Variants in MSRA observed in about 807,000 individuals in gnomAD.
The protein encoded by MSRA is mitochondrial peptide methionine sulfoxide reductase.
MSRA carries 54 observed loss-of-function variants against 31.3 expected under a neutral mutation model. That is an observed-to-expected ratio of 1.73 (90% CI 1.39 to 2.17). The LOEUF (loss-of-function observed/expected upper bound fraction) is 2.17, where lower values mean the gene tolerates loss of function less well. Ranked by LOEUF, MSRA falls within the 30% of genes most tolerant of loss-of-function variation. The pLI, the probability that MSRA is intolerant of heterozygous loss-of-function variation, is 0.00. For synonymous variants in MSRA, 169 were observed against 116.5 expected (o/e 1.45, Z -2.90); for missense variants, 507 against 300.9 (o/e 1.69, Z -5.07).
chr8:10,366,299 T>C (rs1805161009), intron 5 of MSRA, among the ~76,000 whole-genome samples: 2 of 152,218 alleles, frequency 1.3e-5, no homozygotes, highest in Admixed American at 1.3e-4. Context: ...TCTGAATTTA[T>C]ACCAAAGACA....
chr8:10,141,462 C>A (rs1485935832), intron 1 of MSRA, among the ~76,000 whole-genome samples: 1 of 152,208 alleles, frequency 6.6e-6, no homozygotes, highest in African/African-American at 2.4e-5. Context: ...CACACAGGCC[C>A]AGCCATCTCC....
intron 2 of MSRA, among the ~76,000 whole-genome samples, chr8:10,242,116 A>G (rs896282457): frequency 1.3e-5 from 2 of 152,120 alleles, no homozygotes; most frequent in African/African-American, 2.4e-5. Flanking sequence ...TACTAAAAAC[A>G]CAGAATTAGC....
chr8:10,398,729 G>A (rs960628083), intron 5 of MSRA, among the ~76,000 whole-genome samples: 5 of 152,246 alleles, frequency 3.3e-5, no homozygotes, highest in African/African-American at 1.2e-4. Flanking sequence ...CTGGAACTGG[G>A]AGGTTGGGGA....
Position 10,170,646 on chromosome 8 carries a change from A to T in MSRA, c.143-37187A>T, listed in dbSNP as rs143589159. On this transcript the variant is annotated intron_variant, in intron 1 of 5. Transcript: ENST00000317173. Reference sequence around the variant, plus strand: ...ATTAGGTATTGTAAGTCATCTAGAGATGATTTAAAGTATATGGGAGGATGT... The same window carrying T: ...ATTAGGTATTGTAAGTCATCTAGAGTTGATTTAAAGTATATGGGAGGATGT... Among the ~76,000 whole-genome samples, 255 of 152,282 alleles carry T rather than the reference A, an allele frequency of 1.7e-3. 7 individuals carry two copies. Among genetic ancestry groups the T allele is most frequent in the Non-Finnish European group, 3.2e-4 (22 of 68,026 alleles).
At chr8:10,255,020 G>C (rs1469512518) in intron 3 of MSRA, among the ~76,000 whole-genome samples, 1 of 152,198 alleles carries the variant, frequency 6.6e-6, no homozygotes, top group African/African-American at 2.4e-5. Context: ...CAAAAATTTT[G>C]CACAGAAGTC....
Position 10,337,835 on chromosome 8 carries a change from G to C in MSRA, c.543+17846G>C, listed in dbSNP as rs750673655. On this transcript the variant is annotated intron_variant, in intron 5 of 5. Coordinates refer to ENST00000317173, the MANE Select transcript of MSRA (RefSeq NM_012331.5). ...CAATATTATTAGTATGCAGCAAGGT[G>C]CCTTCTTTCTGCTAAATCAGTTTGT... is the stretch of plus-strand genomic sequence containing the variant. 4.3e-4 allele frequency: 300 copies of C among 702,024 alleles called. 2 individuals carry two copies. Among genetic ancestry groups the C allele is most frequent in the Middle Eastern group, 2.3e-4 (1 of 4,362 alleles). The allele number at this position is 702,024 out of a possible 1,614,324, so 43.5% of individuals were successfully genotyped here. A position where few individuals can be genotyped will look rare whatever the true frequency, so the allele number is the denominator to read the frequency against.
chr8:10,408,708 A>G (rs989022519), intron 5 of MSRA, among the ~76,000 whole-genome samples: 68 of 152,114 alleles, frequency 4.5e-4, no homozygotes, highest in Non-Finnish European at 2.1e-4. Flanking sequence ...CCTTGTACCC[A>G]TTAGGTAATT....
intron 5 of MSRA, among the ~76,000 whole-genome samples, chr8:10,354,775 T>TATATATATAC (rs1804411156): frequency 6.8e-6 from 1 of 146,426 alleles, no homozygotes; most frequent in African/African-American, 2.5e-5. Context: ...TATATATATA[T>TATATATATAC]ATACCAGTTA....
At chr8:10,343,856 A>C (rs1023908248) in intron 5 of MSRA, among the ~76,000 whole-genome samples, 10 of 152,200 alleles carry the variant, frequency 6.6e-5, no homozygotes, top group African/African-American at 2.4e-4. Context: ...CAAACAAAGA[A>C]AATAATCAGC....
At chr8:10,404,696 C>T (rs1044432787) in intron 5 of MSRA, among the ~76,000 whole-genome samples, 1 of 152,222 alleles carries the variant, frequency 6.6e-6, no homozygotes, top group African/African-American at 2.4e-5. Context: ...CACAGCCCGG[C>T]CCTCCGTGCC....
chr8:10,246,174 C>G (rs1457610695), intron 3 of MSRA, among the ~76,000 whole-genome samples: 1 of 152,188 alleles, frequency 6.6e-6, no homozygotes, highest in Non-Finnish European at 1.5e-5. Flanking sequence ...TGTTTTCATG[C>G]TACAGTTACA....
intron 5 of MSRA, among the ~76,000 whole-genome samples, chr8:10,381,417 T>C (rs929045895): frequency 2.0e-5 from 3 of 152,140 alleles, no homozygotes; most frequent in African/African-American, 4.8e-5. Flanking sequence ...GGACATGTCC[T>C]GAAGAGCAGA....
chr8:10,238,233 C>T (rs975136429), intron 2 of MSRA, among the ~76,000 whole-genome samples: 2 of 152,220 alleles, frequency 1.3e-5, no homozygotes, highest in South Asian at 4.1e-4. Context: ...GTGAGTGCCT[C>T]ACTGCCTCCA....
intron 2 of MSRA, among the ~76,000 whole-genome samples, chr8:10,227,739 T>A (rs138297405): frequency 1.3e-3 from 198 of 152,290 alleles, no homozygotes; most frequent in Non-Finnish European, 1.1e-3. Context: ...AGGAATGATG[T>A]GGACAGAAGG....
At chr8:10,186,383 G>A (rs970582689) in intron 1 of MSRA, among the ~76,000 whole-genome samples, 1 of 152,192 alleles carries the variant, frequency 6.6e-6, no homozygotes, top group African/African-American at 2.4e-5. Context: ...AAATGAATGA[G>A]TGTGGCTGTG....
chr8:10,266,208 T>C (rs765317076), intron 3 of MSRA, among the ~76,000 whole-genome samples: 1 of 152,236 alleles, frequency 6.6e-6, no homozygotes, highest in African/African-American at 2.4e-5. Context: ...TATATTCCCA[T>C]CAGCAGTGTA....
chr8:10,061,323 C>A (rs181654699), intron 1 of MSRA, among the ~76,000 whole-genome samples: 50 of 152,176 alleles, frequency 3.3e-4, no homozygotes, highest in Admixed American at 5.2e-4. Context: ...TAGGAAAGAC[C>A]TGTATTGTCC....
intron 1 of MSRA, among the ~76,000 whole-genome samples, chr8:10,150,561 A>C (rs918837844): frequency 5.3e-5 from 8 of 152,216 alleles, no homozygotes; most frequent in African/African-American, 1.9e-4. Flanking sequence ...AATGCCAATT[A>C]ATGTGTTAAT....
chr8:10,168,164 G>C (rs796317797), intron 1 of MSRA, among the ~76,000 whole-genome samples: 7 of 152,296 alleles, frequency 4.6e-5, no homozygotes, highest in African/African-American at 1.7e-4. Context: ...CTACCTTGTA[G>C]GATAATTGTG....
Sources: allele counts gnomAD v4.1 joint callset (sites outside exome capture counted in the v4.1 genomes callset), GRCh38; gene constraint gnomAD v4.1.1; transcripts MANE v1.5; gene names NCBI Gene and HGNC (gene_info 2026-07-23, HGNC 2026-07-21).